Variants in TAFA1 observed in about 807,000 individuals in gnomAD.
The protein encoded by TAFA1 is TAFA chemokine like family member 1.
In TAFA1, 4 loss-of-function variants were observed where a neutral mutation model predicts 18.5. The observed-to-expected ratio is 0.22, with a 90% CI of 0.11 to 0.49. The LOEUF is 0.49. Ranked by LOEUF, TAFA1 falls within the 20% of genes least tolerant of loss-of-function variation. The pLI, the probability that TAFA1 is intolerant of heterozygous loss-of-function variation, is 0.98. For missense variants in TAFA1, 147 were observed against 169.0 expected (o/e 0.87, Z 0.72); for synonymous variants, 56 against 55.2 (o/e 1.01, Z -0.06).
chr3:68,385,796 T>A lies in TAFA1; in HGVS notation c.119-31484T>A, dbSNP rs547764007. On this transcript the variant is annotated intron_variant, in intron 2 of 4. Coordinates refer to ENST00000478136, the MANE Select transcript of TAFA1 (RefSeq NM_213609.4). ...TTTACAAATTATTTGTCTTTTCAAA[T>A]TTTTTTATTTGAAATACAATTGTAC... Among the ~76,000 whole-genome samples, 9 of 152,212 alleles carry A rather than the reference T, an allele frequency of 5.9e-5. No homozygotes were observed. In the East Asian group the frequency reaches 1.7e-3, roughly 29 times the overall value.
At chr3:68,193,887 G>T (rs1403553855) in intron 2 of TAFA1, among the ~76,000 whole-genome samples, 1 of 151,690 alleles carries the variant, frequency 6.6e-6, no homozygotes, top group Admixed American at 6.6e-5. Context: ...AGGTTTGTGG[G>T]TTTGCAGTTC....
intron 2 of TAFA1, among the ~76,000 whole-genome samples, chr3:68,218,003 T>C (rs1358618873): frequency 6.6e-6 from 1 of 152,096 alleles, no homozygotes; most frequent in Non-Finnish European, 1.5e-5. Context: ...CTGTGTGCCT[T>C]CCTGGGAAGA....
chr3:68,113,897 G>GTTTTTTTTTTTTTTTTT (rs35158174), intron 2 of TAFA1, among the ~76,000 whole-genome samples: 1 of 18,054 alleles, frequency 5.5e-5, no homozygotes, highest in Admixed American at 8.0e-4. Context: ...AGTTTTTTTT[G>GTTTTTTTTTTTTTTTTT]TTTTTTTTTT....
At chr3:68,248,407 G>T (rs1459676564) in intron 2 of TAFA1, among the ~76,000 whole-genome samples, 2 of 151,998 alleles carry the variant, frequency 1.3e-5, no homozygotes, top group Non-Finnish European at 2.9e-5. Context: ...ATTTGCCTTA[G>T]GCTTGATGTT....
intron 3 of TAFA1, among the ~76,000 whole-genome samples, chr3:68,512,787 A>AT (rs113557174): frequency 6.6e-5 from 10 of 151,870 alleles, no homozygotes; most frequent in Admixed American, 5.3e-4. Context: ...ACAAAAAAAA[A>AT]CCTGTTTCTT....
intron 2 of TAFA1, among the ~76,000 whole-genome samples, chr3:68,399,225 A>G (rs17047624): frequency 0.029 from 4,482 of 152,280 alleles, 192 homozygotes; most frequent in East Asian, 0.13. Flanking sequence ...GAAGGTGTGC[A>G]TTTTACAAAG....
chr3:68,270,431 A>G (rs1260704803), intron 2 of TAFA1, among the ~76,000 whole-genome samples: 3 of 152,202 alleles, frequency 2.0e-5, no homozygotes, highest in Non-Finnish European at 4.4e-5. Context: ...TGAAGTTAGA[A>G]AATATTTGGT....
chr3:68,206,578 T>A (rs1186888875), intron 2 of TAFA1, among the ~76,000 whole-genome samples: 4 of 151,910 alleles, frequency 2.6e-5, no homozygotes, highest in Non-Finnish European at 5.9e-5. Context: ...AAAATAATGA[T>A]GTCATGGCTT....
At chr3:68,201,311 T>C (rs1054869248) in intron 2 of TAFA1, among the ~76,000 whole-genome samples, 2 of 151,724 alleles carry the variant, frequency 1.3e-5, no homozygotes, top group Admixed American at 6.6e-5. Flanking sequence ...TGGCATATCT[T>C]TGTGAGTGTT....
chr3:68,245,130 G>A (rs898784293), intron 2 of TAFA1, among the ~76,000 whole-genome samples: 1 of 152,152 alleles, frequency 6.6e-6, no homozygotes, highest in Non-Finnish European at 1.5e-5. Flanking sequence ...TTTGGAGACT[G>A]GTTACGAAAT....
chr3:68,058,363 T>A (rs976298828), intron 2 of TAFA1, among the ~76,000 whole-genome samples: 1 of 152,220 alleles, frequency 6.6e-6, no homozygotes, highest in African/African-American at 2.4e-5. Context: ...TCAAAAACAT[T>A]GACTATTATT....
chr3:67,998,434 G>A, the TAFA1 span, among the ~76,000 whole-genome samples: 1 of 152,024 alleles, frequency 6.6e-6, no homozygotes, highest in African/African-American at 2.4e-5. Context: ...TCTTTTGGGG[G>A]ATGCTCTCCT....
rs558166530 is a variant in TAFA1 at position 68,347,834 on chromosome 3, T to C, written c.119-69446T>C. Among the ~76,000 whole-genome samples the C allele has an allele frequency of 5.0e-4, 76 of 152,302 alleles. No homozygotes were observed. In the Middle Eastern group the frequency reaches 0.01, roughly 21 times the overall value. On this transcript the variant is annotated intron_variant, in intron 2 of 4. Coordinates refer to ENST00000478136, the MANE Select transcript of TAFA1 (RefSeq NM_213609.4). ...GTACATCTTTATTTTTATCCTTCTC[T>C]GCAACTTGTTCAGGATAATGTCTCT...
chr3:68,173,515 A>T (rs566470503), intron 2 of TAFA1, among the ~76,000 whole-genome samples: 1 of 152,306 alleles, frequency 6.6e-6, no homozygotes, highest in Admixed American at 6.5e-5. Flanking sequence ...ACGAATTGGA[A>T]TTCTAGATTT....
intron 2 of TAFA1, among the ~76,000 whole-genome samples, chr3:68,147,485 G>A (rs1559537781): frequency 1.3e-5 from 2 of 151,832 alleles, no homozygotes; most frequent in African/African-American, 4.8e-5. Context: ...CCATGCCTTC[G>A]ATCTCTAGGG....
intron 2 of TAFA1, among the ~76,000 whole-genome samples, chr3:68,297,918 A>G (rs960152946): frequency 2.0e-5 from 3 of 152,178 alleles, no homozygotes; most frequent in African/African-American, 7.2e-5. Flanking sequence ...CAATAGTGCT[A>G]TATTTATCTT....
At chr3:68,265,365 C>T (rs2067522316) in intron 2 of TAFA1, among the ~76,000 whole-genome samples, 1 of 152,162 alleles carries the variant, frequency 6.6e-6, no homozygotes, top group African/African-American at 2.4e-5. Flanking sequence ...ATGTGAGGTC[C>T]TTTCATGTGA....
intron 2 of TAFA1, among the ~76,000 whole-genome samples, chr3:68,259,177 G>T (rs554627407): frequency 1.3e-5 from 2 of 152,232 alleles, no homozygotes; most frequent in African/African-American, 4.8e-5. Flanking sequence ...AGGTGCTAGG[G>T]TATTTTTAAT....
intron 2 of TAFA1, among the ~76,000 whole-genome samples, chr3:68,316,801 A>C (rs972759496): frequency 2.6e-5 from 4 of 152,194 alleles, no homozygotes; most frequent in African/African-American, 9.7e-5. Flanking sequence ...ACTGTGTGTT[A>C]ATATTTGAAT....
Sources: gnomAD v4.1 joint callset for allele counts (sites outside exome capture counted in the v4.1 genomes callset) on GRCh38, gnomAD v4.1.1 for gene constraint, MANE v1.5 for transcripts, NCBI Gene and HGNC (gene_info 2026-07-23, HGNC 2026-07-21) for gene names.